The following CLEC16A variants were observed in gnomAD, a reference collection of about 807,000 sequenced individuals.
CLEC16A encodes the protein C-type lectin domain containing 16A, also known as protein CLEC16A.
In CLEC16A, 51 loss-of-function variants were observed where a neutral mutation model predicts 109.5. The observed-to-expected ratio is 0.47, with a 90% confidence interval of 0.37 to 0.59. The LOEUF (loss-of-function observed/expected upper bound fraction) is 0.59, where lower values mean the gene tolerates loss of function less well. Among genes scored for constraint, CLEC16A ranks in the 20% least tolerant of loss-of-function variants. The pLI, the probability that CLEC16A is intolerant of heterozygous loss-of-function variation, is 0.00. For synonymous variants in CLEC16A, 673 were observed against 564.2 expected (o/e 1.19, Z -2.73); for missense variants, 1,339 against 1,394.0 (o/e 0.96, Z 0.63).
chr16:11,011,087 T>A (rs1372731973), intron 11 of CLEC16A, among the ~76,000 whole-genome samples: 1 of 152,234 alleles, frequency 6.6e-6, no homozygotes, highest in Non-Finnish European at 1.5e-5. Flanking sequence ...AGTTTCTGTA[T>A]TGTGTAATGA....
intron 22 of CLEC16A, among the ~76,000 whole-genome samples, chr16:11,132,801 A>G (rs2053306903): frequency 6.6e-6 from 1 of 152,206 alleles, no homozygotes. Context: ...ATGGATGCCT[A>G]TGAAGTAGTT....
chr16:11,128,133 T>G (rs2052956233), intron 22 of CLEC16A, among the ~76,000 whole-genome samples: 1 of 152,180 alleles, frequency 6.6e-6, no homozygotes, highest in Admixed American at 6.5e-5. Context: ...GTTTCGGAAC[T>G]TACTGGTTAA....
At chr16:11,124,364 A>G (rs1483587366) in intron 21 of CLEC16A, among the ~76,000 whole-genome samples, 2 of 152,216 alleles carry the variant, frequency 1.3e-5, no homozygotes, top group Non-Finnish European at 2.9e-5. Context: ...GACTTGCCCA[A>G]AGTCACACAG....
At chr16:11,034,257 T>C (rs2046902521) in intron 13 of CLEC16A, among the ~76,000 whole-genome samples, 3 of 152,196 alleles carry the variant, frequency 2.0e-5, no homozygotes, top group African/African-American at 4.8e-5. Flanking sequence ...TCGAAATCTT[T>C]GGTCTATAGT....
At chr16:11,046,719 G>A (rs2152867049) in intron 16 of CLEC16A, among the ~76,000 whole-genome samples, 1 of 152,356 alleles carries the variant, frequency 6.6e-6, no homozygotes, top group Admixed American at 6.5e-5. Flanking sequence ...ATTTGGTTAT[G>A]TGTATCAGAA....
chr16:10,979,528 TTC>T (rs1308294696), intron 9 of CLEC16A, 146 bp downstream of exon 9: 1 of 696,216 alleles, frequency 1.4e-6, no homozygotes, highest in Non-Finnish European at 2.5e-6. Context: ...AGAAGGGGCT[TTC>T]TGTTTTCCAG....
intron 22 of CLEC16A, among the ~76,000 whole-genome samples, chr16:11,147,886 G>A (rs1028420306): frequency 2.0e-5 from 3 of 152,122 alleles, no homozygotes; most frequent in Admixed American, 6.6e-5. Context: ...AACACATTCC[G>A]GAATAATTTG....
intron 19 of CLEC16A, among the ~76,000 whole-genome samples, chr16:11,106,433 T>A (rs1286127741): frequency 1.1e-4 from 16 of 150,012 alleles, no homozygotes. Flanking sequence ...GGATTACAGG[T>A]GTGAGCCACC....
In CLEC16A at chr16:11,179,013, T is replaced by G; in HGVS notation, c.*323T>G. 2 of 297,372 alleles carry G rather than the reference T, an allele frequency of 6.7e-6. No individual in the cohort carries two copies. The highest frequency in any genetic ancestry group is 1.2e-5 in the Non-Finnish European group (2 of 161,080). The allele number at this position is 297,372 out of a possible 1,614,324, so 18.4% of individuals were successfully genotyped here. A position where few individuals can be genotyped will look rare whatever the true frequency, so the allele number is the denominator to read the frequency against. ...GGCAGGACCCACCGGCACCTCTTTC[T>G]TCCTCTGTCATATGGCTCCTCTGTC... On this transcript the variant is annotated 3_prime_UTR_variant, in exon 24 of 24. Coordinates refer to ENST00000409790, the MANE Select transcript of CLEC16A (RefSeq NM_015226.3).
At chr16:10,988,129 A>C (rs2043781919) in intron 10 of CLEC16A, among the ~76,000 whole-genome samples, 5 of 152,250 alleles carry the variant, frequency 3.3e-5, no homozygotes, top group Admixed American at 3.3e-4. Context: ...GACAACACTA[A>C]TTCTGAAACT....
intron 19 of CLEC16A, among the ~76,000 whole-genome samples, chr16:11,111,657 AC>A (rs2051595230): frequency 6.6e-6 from 1 of 152,194 alleles, no homozygotes; most frequent in Non-Finnish European, 1.5e-5. Context: ...CTGTGCTGTT[AC>A]ACCAAGGAGA....
chr16:10,988,690 G>A (rs2043816965), intron 10 of CLEC16A, among the ~76,000 whole-genome samples: 1 of 152,082 alleles, frequency 6.6e-6, no homozygotes, highest in Non-Finnish European at 1.5e-5. Flanking sequence ...GCAGCCTTGT[G>A]GAGTGGGTGC....
chr16:11,014,900 C>T (rs2045649075), intron 11 of CLEC16A, among the ~76,000 whole-genome samples: 1 of 152,320 alleles, frequency 6.6e-6, no homozygotes, highest in African/African-American at 2.4e-5. Flanking sequence ...TTCCCTGTGA[C>T]CCTGATCATC....
At chr16:11,052,583 C>A (rs963351528) in intron 18 of CLEC16A, among the ~76,000 whole-genome samples, 1 of 152,146 alleles carries the variant, frequency 6.6e-6, no homozygotes, top group Admixed American at 6.5e-5. Context: ...CAAGCCTCAC[C>A]GCAGGACCCA....
chr16:11,087,946 T>G (rs2050099910), intron 19 of CLEC16A, among the ~76,000 whole-genome samples: 1 of 152,234 alleles, frequency 6.6e-6, no homozygotes, highest in South Asian at 2.1e-4. Context: ...CCTGGGCTCC[T>G]CCACCTGGGA....
At chr16:11,104,790 C>G (rs186052526) in intron 19 of CLEC16A, among the ~76,000 whole-genome samples, 3 of 152,184 alleles carry the variant, frequency 2.0e-5, no homozygotes, top group African/African-American at 7.2e-5. Context: ...ATGCATCTGC[C>G]TTCTTCATCC....
chr16:11,147,487 C>G (rs766306026), intron 22 of CLEC16A, among the ~76,000 whole-genome samples: 1 of 152,168 alleles, frequency 6.6e-6, no homozygotes, highest in Admixed American at 6.5e-5. Context: ...TCTCTGAAGG[C>G]GAGGTTCCAG....
At chr16:11,085,976 C>T (rs927317119) in intron 19 of CLEC16A, among the ~76,000 whole-genome samples, 22 of 152,164 alleles carry the variant, frequency 1.4e-4, no homozygotes, top group African/African-American at 5.1e-4. Context: ...GGAGGCCTCT[C>T]GGGTCTTCAG....
intron 6 of CLEC16A, 139 bp from the exon 7 acceptor site, chr16:10,972,799 A>G: frequency 1.1e-6 from 1 of 942,362 alleles, no homozygotes; most frequent in Non-Finnish European, 1.6e-6. Flanking sequence ...ATTTCCAGGA[A>G]AGACAGACAA....
Sources: gnomAD v4.1 joint callset for allele counts (sites outside exome capture counted in the v4.1 genomes callset) on GRCh38, gnomAD v4.1.1 for gene constraint, MANE v1.5 for transcripts, NCBI Gene and HGNC (gene_info 2026-07-23, HGNC 2026-07-21) for gene names.